Variants in ROR1 observed in about 807,000 individuals in gnomAD.
The protein encoded by ROR1 is inactive tyrosine-protein kinase transmembrane receptor ROR1.
ROR1 carries 19 observed loss-of-function variants against 78.8 expected under a neutral mutation model. The observed-to-expected ratio is 0.24, with a 90% CI of 0.17 to 0.35. The LOEUF (loss-of-function observed/expected upper bound fraction) is 0.35. ROR1 is among the 10% of genes least tolerant of loss of function. The pLI is 1.00. For missense variants in ROR1, 917 were observed against 1,177.8 expected, an observed-to-expected ratio of 0.78 and a Z score of 3.24; for synonymous variants, 386 against 433.6, an observed-to-expected ratio of 0.89 and a Z score of 1.36.
intron 1 of ROR1, among the ~76,000 whole-genome samples, chr1:64,006,839 G>A (rs1646431536): frequency 6.6e-6 from 1 of 152,150 alleles, no homozygotes; most frequent in South Asian, 2.1e-4. Flanking sequence ...CAATCCTTTT[G>A]TCTCTGCTGT....
At chr1:63,867,417 A>C (rs1216343896) in intron 1 of ROR1, among the ~76,000 whole-genome samples, 1 of 152,038 alleles carries the variant, frequency 6.6e-6, no homozygotes, top group Non-Finnish European at 1.5e-5. Context: ...GTTTTCTTTC[A>C]TCTTGAAAGG....
In ROR1 at chr1:63,815,478, C is replaced by CTTTTTTT. The variant is rs1446331528; in HGVS notation, c.91+40975_91+40976insTTTTTTT. 7.0e-4 allele frequency among the ~76,000 whole-genome samples: 72 copies of CTTTTTTT among 103,416 alleles called. 2 individuals are homozygous for CTTTTTTT. The highest frequency in any genetic ancestry group is 2.7e-3 in the African/African-American group (52 of 19,004). The allele number at this position is 103,416 out of a possible 152,430, so 67.8% of individuals were successfully genotyped here. On this transcript the variant is annotated intron_variant, in intron 1 of 8. Coordinates refer to ENST00000371079, the MANE Select transcript of ROR1 (RefSeq NM_005012.4). ...TTTTCTTTTTCTTTTCTTTTCTTTT[C>CTTTTTTT]TTTTTCTTTTTTTTTTTTTTTTGAG...
At chr1:64,083,211 T>C (rs1294956178) in intron 4 of ROR1, among the ~76,000 whole-genome samples, 3 of 152,076 alleles carry the variant, frequency 2.0e-5, no homozygotes, top group African/African-American at 4.8e-5. Context: ...AAGGAAACTC[T>C]GGGAAGTGTA....
intron 1 of ROR1, among the ~76,000 whole-genome samples, chr1:63,916,349 AG>A (rs1350853746): frequency 6.6e-6 from 1 of 152,182 alleles, no homozygotes; most frequent in Non-Finnish European, 1.5e-5. Context: ...TTGTGGAGAA[AG>A]TTTGAAAGGA....
intron 1 of ROR1, among the ~76,000 whole-genome samples, chr1:63,851,221 G>A (rs1056434298): frequency 6.6e-6 from 1 of 152,080 alleles, no homozygotes; most frequent in African/African-American, 2.4e-5. Context: ...CTGGTGATCC[G>A]CTAGCCTCGG....
intron 1 of ROR1, among the ~76,000 whole-genome samples, chr1:63,949,975 G>A (rs1463551287): frequency 2.6e-5 from 4 of 152,102 alleles, no homozygotes; most frequent in Non-Finnish European, 5.9e-5. Context: ...TAAGTATCTT[G>A]AAGATTCCTT....
chr1:63,964,051 A>G (rs977188655), intron 1 of ROR1, among the ~76,000 whole-genome samples: 2 of 152,254 alleles, frequency 1.3e-5, no homozygotes, highest in Admixed American at 1.3e-4. Context: ...TAACTGGGAC[A>G]CTTAGGAAGT....
rs150815826 is a variant in ROR1, at chr1:64,110,861, C to A, written c.483-26508C>A. The stretch of plus-strand genomic sequence containing the variant: ...GGAGTAAAGACCTTTAACTTGAAAC[C>A]ATTTAAAAAATACTTTCATACCATA... On this transcript the variant is annotated intron_variant, in intron 4 of 8. Coordinates refer to ENST00000371079, the MANE Select transcript of ROR1 (RefSeq NM_005012.4). 9.2e-5 allele frequency: 14 copies of A among 152,058 alleles called. No homozygotes were observed. In the East Asian group the frequency reaches 2.7e-3, roughly 30 times the overall value. The allele number at this position is 152,058 out of a possible 1,614,324, so 9.4% of individuals were successfully genotyped here.
intron 1 of ROR1, among the ~76,000 whole-genome samples, chr1:63,836,951 T>C (rs576357456): frequency 4.1e-3 from 627 of 152,320 alleles, no homozygotes; most frequent in Middle Eastern, 0.01. Context: ...GTTTGAATTA[T>C]CTGTTAACCA....
Position 64,024,430 on chromosome 1 carries a change from G to A in ROR1, c.163+15054G>A, listed in dbSNP as rs751306901. On this transcript the variant is annotated intron_variant, in intron 2 of 8. Coordinates refer to ENST00000371079, the MANE Select transcript of ROR1 (RefSeq NM_005012.4). ...TGGGAGACGGAGGTTGCAGTGAGCC[G>A]AGATTGCACCACTGCACTCCAGCCT... 1.4e-4 allele frequency among the ~76,000 whole-genome samples: 21 copies of A among 152,186 alleles called. No homozygotes were observed. The East Asian group carries it at 3.9e-3, about 28-fold the overall frequency.
At chr1:64,103,133 G>A (rs529276943) in intron 4 of ROR1, among the ~76,000 whole-genome samples, 5 of 152,128 alleles carry the variant, frequency 3.3e-5, no homozygotes, top group South Asian at 2.1e-4. Flanking sequence ...TGTTAGGTTC[G>A]CTATGGAAAA....
intron 1 of ROR1, among the ~76,000 whole-genome samples, chr1:63,811,824 T>C (rs1372046390): frequency 6.6e-6 from 1 of 152,238 alleles, no homozygotes; most frequent in Non-Finnish European, 1.5e-5. Flanking sequence ...TGAGTGCATA[T>C]GATTTAGAAA....
At chr1:64,137,619 A>T in intron 5 of ROR1, 123 bp downstream of exon 5, 1 of 857,704 alleles carries the variant, frequency 1.2e-6, no homozygotes. Context: ...GCAGGACCAT[A>T]AAAAAGCATG....
At chr1:64,134,092 C>T (rs1228069498) in intron 4 of ROR1, among the ~76,000 whole-genome samples, 1 of 152,178 alleles carries the variant, frequency 6.6e-6, no homozygotes, top group East Asian at 1.9e-4. Context: ...TGGTTAGAAA[C>T]ACTATTTAGA....
At chr1:63,838,230 T>A (rs955155035) in intron 1 of ROR1, among the ~76,000 whole-genome samples, 1 of 152,146 alleles carries the variant, frequency 6.6e-6, no homozygotes, top group African/African-American at 2.4e-5. Flanking sequence ...ATTATTATTA[T>A]TTTAGAGTGT....
intron 8 of ROR1, among the ~76,000 whole-genome samples, chr1:64,172,779 C>T (rs547590587): frequency 1.9e-4 from 29 of 152,296 alleles, no homozygotes; most frequent in African/African-American, 6.5e-4. Flanking sequence ...ACTTCATTTT[C>T]TTTCATAGTT....
intron 7 of ROR1, among the ~76,000 whole-genome samples, chr1:64,156,492 A>G (rs1429873153): frequency 6.6e-6 from 1 of 152,104 alleles, no homozygotes; most frequent in African/African-American, 2.4e-5. Context: ...GCGGATCACG[A>G]GGTCAAGAGA....
intron 1 of ROR1, among the ~76,000 whole-genome samples, chr1:63,839,565 AAAG>A (rs1645037723): frequency 6.6e-6 from 1 of 152,188 alleles, no homozygotes; most frequent in Non-Finnish European, 1.5e-5. Context: ...TATATGTACC[AAAG>A]AAAATTCAGA....
chr1:63,840,897 A>G (rs915030915), intron 1 of ROR1, among the ~76,000 whole-genome samples: 3 of 152,206 alleles, frequency 2.0e-5, no homozygotes, highest in Non-Finnish European at 4.4e-5. Flanking sequence ...GCTGGTTTAA[A>G]TAAGTTAAAA....
Sources: gnomAD v4.1 joint callset for allele counts (sites outside exome capture counted in the v4.1 genomes callset) on GRCh38, gnomAD v4.1.1 for gene constraint, MANE v1.5 for transcripts, NCBI Gene and HGNC (gene_info 2026-07-23, HGNC 2026-07-21) for gene names.